Variants in MINDY3 observed in about 807,000 individuals in gnomAD.
The protein encoded by MINDY3 is MINDY lysine 48 deubiquitinase 3, also known as ubiquitin carboxyl-terminal hydrolase MINDY-3.
In MINDY3, 38 loss-of-function variants were observed where a neutral mutation model predicts 69.2. The observed-to-expected ratio is 0.55, with a 90% CI of 0.42 to 0.72. MINDY3 has a LOEUF of 0.72. MINDY3 is among the 30% of genes least tolerant of loss of function. The pLI, the probability that MINDY3 is intolerant of heterozygous loss-of-function variation, is 0.00. For synonymous variants in MINDY3, 192 were observed against 180.1 expected (o/e 1.07, Z -0.53); for missense variants, 522 against 519.0 (o/e 1.01, Z -0.06).
At chr10:15,779,282 G>C (rs1049101094) in intron 14 of MINDY3, 141 bp from the exon 15 acceptor site, 3 of 605,272 alleles carry the variant, frequency 5.0e-6, no homozygotes, top group Non-Finnish European at 7.8e-6. Context: ...TATTTTGCTA[G>C]AAATGAGAAG....
chr10:15,795,356 C>T (rs1243320534), intron 11 of MINDY3, among the ~76,000 whole-genome samples: 1 of 151,982 alleles, frequency 6.6e-6, no homozygotes, highest in Non-Finnish European at 1.5e-5. Flanking sequence ...AAGAGCAGAT[C>T]ACTAAGTGTA....
intron 5 of MINDY3, chr10:15,837,525 T>C (rs1833170658): frequency 1.4e-5 from 20 of 1,447,710 alleles, no homozygotes; most frequent in Non-Finnish European, 1.7e-5. Context: ...TATTTATCAT[T>C]AAGAAAGAAC....
At chr10:15,782,472 A>T (rs958979123) in intron 13 of MINDY3, 6 of 401,838 alleles carry the variant, frequency 1.5e-5, no homozygotes, top group African/African-American at 1.3e-4. Context: ...CTTCAGAACT[A>T]ACTTATTTTT....
chr10:15,829,898 C>T (rs1840342540), intron 8 of MINDY3, among the ~76,000 whole-genome samples: 1 of 152,138 alleles, frequency 6.6e-6, no homozygotes, highest in African/African-American at 2.4e-5. Context: ...GTTTGCCCAC[C>T]GTCAAACAGC....
intron 1 of MINDY3, 32 bp from the exon 2 acceptor site, chr10:15,847,975 AATATAATTC>A (rs1833970828): frequency 6.5e-7 from 1 of 1,545,896 alleles, no homozygotes. Flanking sequence ...AAAGATTAAA[AATATAATTC>A]AAGTAGCAGC....
At chr10:15,804,724 T>C (rs1450779585) in intron 10 of MINDY3, among the ~76,000 whole-genome samples, 2 of 152,212 alleles carry the variant, frequency 1.3e-5, no homozygotes, top group African/African-American at 4.8e-5. Context: ...GCTTACTATC[T>C]GTATTTATGA....
intron 8 of MINDY3, among the ~76,000 whole-genome samples, chr10:15,827,212 C>T (rs1307270153): frequency 7.1e-6 from 1 of 140,708 alleles, no homozygotes; most frequent in Admixed American, 7.0e-5. Context: ...CAAATAGAAG[C>T]CATCTAAAAA....
At chr10:15,822,838 G>A (rs74396956) in intron 8 of MINDY3, among the ~76,000 whole-genome samples, 2 of 152,126 alleles carry the variant, frequency 1.3e-5, no homozygotes, top group African/African-American at 4.8e-5. Context: ...GAATAAAAAT[G>A]TGATAATAAT....
At chr10:15,860,173 G>A in intron 1 of MINDY3, 33 bp downstream of exon 1, 1 of 1,518,336 alleles carries the variant, frequency 6.6e-7, no homozygotes, top group Non-Finnish European at 9.0e-7. Context: ...AAAAGAAGCA[G>A]CGGCTGCAAG....
chr10:15,832,141 A>C (rs895594808), intron 8 of MINDY3, among the ~76,000 whole-genome samples: 10 of 152,182 alleles, frequency 6.6e-5, no homozygotes, highest in African/African-American at 2.4e-4. Context: ...GAACGCGTAG[A>C]AAGATGAACC....
At position 15,860,391 on chromosome 10, in the gene MINDY3, G is replaced by C; in HGVS notation, c.-92C>G. On this transcript the variant is annotated 5_prime_UTR_variant, in exon 1 of 15. Transcript: ENST00000277632. ...CTCCGGAAACAGCAGCTGCGGGACG[G>C]CGGCGGCAAACGAATTGGAAGGTGA... is the stretch of plus-strand genomic sequence containing the variant. The C allele has an allele frequency of 2.1e-6, 2 of 936,420 alleles. No individual in the cohort carries two copies. The highest frequency in any genetic ancestry group is 1.7e-6 in the Non-Finnish European group (1 of 591,594). 58.0% of individuals were successfully genotyped at this position (936,420 alleles called of 1,614,324 possible).
chr10:15,845,033 C>T (rs1833730511), intron 2 of MINDY3, among the ~76,000 whole-genome samples: 1 of 151,310 alleles, frequency 6.6e-6, no homozygotes, highest in Non-Finnish European at 1.5e-5. Flanking sequence ...GACAATATCC[C>T]TTTATTGCTA....
intron 5 of MINDY3, chr10:15,837,797 C>T: frequency 1.0e-6 from 1 of 979,864 alleles, no homozygotes; most frequent in Non-Finnish European, 1.2e-6. Flanking sequence ...TATCAACAGC[C>T]ATCTTTACCT....
rs573544206 is a variant in MINDY3 at position 15,784,478 on chromosome 10, C to G, written c.1116+2083G>C. The stretch of plus-strand genomic sequence containing the variant: ...ATGTTTACTGGGCCTCGTGAGGTGG[C>G]TCATACCTGTAATCCCAGCACTTTG... On this transcript the variant is annotated intron_variant, in intron 13 of 14. Transcript: ENST00000277632. Among the ~76,000 whole-genome samples the G allele has an allele frequency of 1.4e-4, 22 of 152,262 alleles. 1 individual carries two copies. The East Asian group carries it at 2.1e-3, about 15-fold the overall frequency.
chr10:15,822,709 A>C (rs1253992894), intron 8 of MINDY3, among the ~76,000 whole-genome samples: 1 of 152,152 alleles, frequency 6.6e-6, no homozygotes, highest in Non-Finnish European at 1.5e-5. Flanking sequence ...AGCCGGAAGT[A>C]AGGCTCAGGA....
chr10:15,824,589 C>A (rs1336652119), intron 8 of MINDY3, among the ~76,000 whole-genome samples: 1 of 152,154 alleles, frequency 6.6e-6, no homozygotes, highest in Non-Finnish European at 1.5e-5. Context: ...TACTTCATAT[C>A]TTCGCAAACT....
chr10:15,818,430 C>G (rs575422289), intron 9 of MINDY3, among the ~76,000 whole-genome samples: 1 of 151,970 alleles, frequency 6.6e-6, no homozygotes, highest in Non-Finnish European at 1.5e-5. Flanking sequence ...AGTGTCATCA[C>G]TTTGGACAAC....
rs1839703892 is a variant in MINDY3 at position 15,820,771 on chromosome 10, T to C, written c.801+885A>G. 2.0e-5 allele frequency among the ~76,000 whole-genome samples: 3 copies of C among 152,178 alleles called. No homozygotes were observed. The South Asian group carries it at 6.2e-4, about 31-fold the overall frequency. On this transcript the variant is annotated intron_variant, in intron 9 of 14. Transcript: ENST00000277632. The stretch of plus-strand genomic sequence containing the variant: ...CATGATTATCGTTATTACATATAAT[T>C]ATCACCATCTGAACCCCTGCTATGG...
In MINDY3 at chr10:15,832,447, A is replaced by ATT. The variant is rs11410031; in HGVS notation, c.730+1181_730+1182dup. On this transcript the variant is annotated intron_variant, in intron 8 of 14. Transcript: ENST00000277632. ...ATTACCCAAGAGACACTGAAATGAG[A>ATT]TTTTTTTTTTCATTGACAGGATTAA... Among the ~76,000 whole-genome samples the ATT allele has an allele frequency of 4.4e-3, 659 of 150,960 alleles. 4 individuals are homozygous for ATT. Among genetic ancestry groups the ATT allele is most frequent in the African/African-American group, 0.015 (617 of 41,124 alleles).
Sources: allele counts gnomAD v4.1 joint callset (sites outside exome capture counted in the v4.1 genomes callset), GRCh38; gene constraint gnomAD v4.1.1; transcripts MANE v1.5; gene names NCBI Gene and HGNC (gene_info 2026-07-23, HGNC 2026-07-21).